Variants in BEST3 observed in about 807,000 individuals in gnomAD.
The protein encoded by BEST3 is bestrophin 3, also known as bestrophin-3.
A neutral mutation model predicts 47.1 loss-of-function variants in BEST3; 50 were observed. The observed-to-expected ratio is 1.06, with a 90% CI of 0.85 to 1.34. BEST3 has a LOEUF of 1.34. BEST3 is among the 40% of genes most tolerant of loss of function. The pLI is 0.00. For missense variants in BEST3, 765 were observed against 817.0 expected (o/e 0.94, Z 0.78); for synonymous variants, 282 against 298.8 (o/e 0.94, Z 0.58).
chr12:69,693,824 A>G lies in BEST3; in HGVS notation c.331T>C (p.Ser111Pro). The G allele has an allele frequency of 2.5e-6, 4 of 1,614,158 alleles. No homozygotes were observed. Among genetic ancestry groups the G allele is most frequent in the Non-Finnish European group, 3.4e-6 (4 of 1,180,016 alleles). Residue 111 changes from serine (S) to proline (P), a missense_variant, in exon 4 of 10, where the codon TCT (serine) becomes CCT (proline). Ser to Pro is a moderately conservative substitution (Grantham distance 74). Transcript: ENST00000330891. ...PWPDRLMFLI[S>P]SSVHGSDEHG... ...TCGTCGCTTCCGTGAACACTGCTAG[A>G]GATGAGGAACATTAGCCTGTCTGGC...
rs898612319 is a variant in BEST3 at position 69,654,550 on chromosome 12, C to G, written c.*357G>C. The G allele has an allele frequency of 3.0e-6, 3 of 1,009,024 alleles. No homozygotes were observed. Among genetic ancestry groups the G allele is most frequent in the Non-Finnish European group, 3.6e-6 (3 of 844,886 alleles). The allele number at this position is 1,009,024 out of a possible 1,614,324, so 62.5% of individuals were successfully genotyped here. ...ACCCTGCGTGTCTGGGCCTTTGGGT[C>G]TAGGGGATTGGACTATGATCTATGA... On this transcript the variant is annotated 3_prime_UTR_variant, in exon 10 of 10. Coordinates refer to ENST00000330891, the MANE Select transcript of BEST3 (RefSeq NM_032735.3).
rs1457163283 is a variant in BEST3 at position 69,699,249 on chromosome 12, A to C, written c.-60T>G. ...TCTCCGACAGGAAAGAGAATCTTCAAATTTCGGGCTCCCCCGAAGAGGTGC... is the reference window on the plus strand; with the variant it reads ...TCTCCGACAGGAAAGAGAATCTTCACATTTCGGGCTCCCCCGAAGAGGTGC... On this transcript the variant is annotated 5_prime_UTR_variant, in exon 1 of 10. The change creates a new upstream start codon in the 5' untranslated region. Coordinates refer to ENST00000330891, the MANE Select transcript of BEST3 (RefSeq NM_032735.3). 2.0e-6 allele frequency: 2 copies of C among 985,242 alleles called. No homozygotes were observed. Among genetic ancestry groups the C allele is most frequent in the Admixed American group, 1.2e-4 (2 of 16,264 alleles). 61.0% of individuals were successfully genotyped at this position (985,242 alleles called of 1,614,324 possible).
At chr12:69,676,326 G>A (rs920222199) in intron 7 of BEST3, among the ~76,000 whole-genome samples, 3 of 151,960 alleles carry the variant, frequency 2.0e-5, no homozygotes, top group African/African-American at 7.3e-5. Flanking sequence ...TAGGAGAATT[G>A]CTTCAACCTG....
chr12:69,671,629 A>G, intron 8 of BEST3, 50 bp from the exon 9 acceptor site: 2 of 1,586,532 alleles, frequency 1.3e-6, no homozygotes, highest in Non-Finnish European at 1.7e-6. Flanking sequence ...AATTAAATAA[A>G]AAGGAGAAGT....
rs1234597007 is a variant in BEST3, at chr12:69,671,487, G to GT, written c.1040dup (p.Tyr347Ter). Residue 347 changes from tyrosine to a stop codon, truncating the protein, a stop_gained and frameshift_variant, in exon 9 of 10, where the codon TAC becomes TAAC. Coordinates refer to ENST00000330891, the MANE Select transcript of BEST3 (RefSeq NM_032735.3). LOFTEE classifies it high-confidence loss of function. ...YWDDSAARPP[Y>*]TLAAADYCIP... ...TGCAGTAGTCAGCAGCTGCCAATGTGTATGGTGGGCGAGCAGCAGAATCGT... is the reference window on the plus strand; with the variant it reads ...TGCAGTAGTCAGCAGCTGCCAATGTGTTATGGTGGGCGAGCAGCAGAATCGT... The GT allele has an allele frequency of 6.2e-7, 1 of 1,614,104 alleles. No individual in the cohort carries two copies. The highest frequency in any genetic ancestry group is 1.1e-5 in the South Asian group (1 of 91,086).
At position 69,664,824 on chromosome 12, in the gene BEST3, G is replaced by T. The variant is rs537602265; in HGVS notation, c.1100+6604C>A. ...AATCCCATTCCACAGACTTAGTAAA[G>T]GTAGGCTACAAATTTGATTGTCAGC... On this transcript the variant is annotated intron_variant, in intron 9 of 9. Transcript: ENST00000330891. Among the ~76,000 whole-genome samples, 13 of 151,976 alleles carry T rather than the reference G, an allele frequency of 8.6e-5. No individual in the cohort carries two copies. In the South Asian group the frequency reaches 2.7e-3, roughly 32 times the overall value.
rs1445294761 is a variant in BEST3 at position 69,654,709 on chromosome 12, A to G, written c.*198T>C. 7.5e-7 allele frequency: 1 copy of G among 1,335,026 alleles called. No homozygotes were observed. The highest frequency in any genetic ancestry group is 9.6e-7 in the Non-Finnish European group (1 of 1,044,480). The allele number at this position is 1,335,026 out of a possible 1,614,324, so 82.7% of individuals were successfully genotyped here. ...TCTGATGAAAGCCATGTTGTGTTGG[A>G]TGACGTGAATGCGTTTGATTTTTCG... On this transcript the variant is annotated 3_prime_UTR_variant, in exon 10 of 10. Transcript: ENST00000330891.
At chr12:69,658,627 C>T (rs891800067) in intron 9 of BEST3, among the ~76,000 whole-genome samples, 9 of 152,130 alleles carry the variant, frequency 5.9e-5, no homozygotes, top group Non-Finnish European at 1.3e-4. Context: ...AGAGAGAAGA[C>T]ATATAAATAA....
intron 4 of BEST3, among the ~76,000 whole-genome samples, chr12:69,686,780 A>AAAAAAAAAAAAAAACC (rs1309413733): frequency 1.5e-4 from 8 of 52,726 alleles, no homozygotes; most frequent in Non-Finnish European, 3.0e-4. Flanking sequence ...TCAAAAAAAC[A>AAAAAAAAAAAAAAACC]AAAAAAAAAG....
At chr12:69,643,896 A>G in intron 9 of BEST3, 1 of 518,426 alleles carries the variant, frequency 1.9e-6, no homozygotes, top group Non-Finnish European at 3.5e-6. Context: ...GCCACCACAC[A>G]TTTAATGTAA....
rs1473688236 is a variant in BEST3, at chr12:69,653,811, T to C, written c.*1096A>G. 1 of 985,486 alleles carries C rather than the reference T, an allele frequency of 1.0e-6. No individual in the cohort carries two copies. Among genetic ancestry groups the C allele is most frequent in the Non-Finnish European group, 1.2e-6 (1 of 829,960 alleles). 61.0% of individuals were successfully genotyped at this position (985,486 alleles called of 1,614,324 possible). ...GACCCCATTAGCCTCCCAGCTCCAGTATCCTGCCCATTCCCAAATGACCCG... is the reference window on the plus strand; with the variant it reads ...GACCCCATTAGCCTCCCAGCTCCAGCATCCTGCCCATTCCCAAATGACCCG... On this transcript the variant is annotated 3_prime_UTR_variant, in exon 10 of 10. Coordinates refer to ENST00000330891, the MANE Select transcript of BEST3 (RefSeq NM_032735.3).
At chr12:69,663,777 C>T (rs561921454) in intron 9 of BEST3, among the ~76,000 whole-genome samples, 25 of 152,282 alleles carry the variant, frequency 1.6e-4, no homozygotes, top group Non-Finnish European at 2.2e-4. Flanking sequence ...GCTGTGATTG[C>T]ACCACTGTAC....
downstream of BEST3, among the ~76,000 whole-genome samples, chr12:69,649,245 G>C (rs912210632): frequency 6.6e-6 from 1 of 152,174 alleles, no homozygotes; most frequent in Admixed American, 6.5e-5. Flanking sequence ...CGACCTGCCC[G>C]CCTTGGCCTC....
intron 7 of BEST3, among the ~76,000 whole-genome samples, chr12:69,674,452 A>C (rs747436195): frequency 1.3e-5 from 2 of 152,208 alleles, no homozygotes; most frequent in Middle Eastern, 6.8e-3. Flanking sequence ...TCTTATTTTA[A>C]GTGCCTTTCC....
chr12:69,691,088 A>G (rs1885906457), intron 4 of BEST3, among the ~76,000 whole-genome samples: 1 of 152,182 alleles, frequency 6.6e-6, no homozygotes, highest in Non-Finnish European at 1.5e-5. Context: ...ATCAAAGTAG[A>G]TAAAAAAGAC....
rs1249002004 is a variant in BEST3, at chr12:69,655,050, CTG to C, written c.1862_1863del (p.Thr621ArgfsTer20). On this transcript the variant is annotated frameshift_variant, in exon 10 of 10. Transcript: ENST00000330891. LOFTEE classifies it low-confidence loss of function (END_TRUNC). ...MSSQPALLID[T>X]ETSSEISGIN... is the part of the protein sequence containing the mutation. ...ATCCCACTGATCTCTGAGGATGTTT[CTG>C]TGTCAATTAAAAGAGCTGGCTGAGA... is the stretch of plus-strand genomic sequence containing the variant. 1.2e-6 allele frequency: 2 copies of C among 1,614,154 alleles called. No homozygotes were observed. The highest frequency in any genetic ancestry group is 8.5e-7 in the Non-Finnish European group (1 of 1,180,026).
chr12:69,675,885 C>T (rs1423973530), intron 7 of BEST3, among the ~76,000 whole-genome samples: 1 of 152,166 alleles, frequency 6.6e-6, no homozygotes, highest in African/African-American at 2.4e-5. Flanking sequence ...CCCAGTGGGT[C>T]ACGACAAGGT....
chr12:69,649,323 A>G (rs1464189368), downstream of BEST3, among the ~76,000 whole-genome samples: 1 of 152,244 alleles, frequency 6.6e-6, no homozygotes, highest in African/African-American at 2.4e-5. Flanking sequence ...TATAAAGTAT[A>G]ATCTAAGGAA....
At chr12:69,695,190 G>A (rs140369980) in intron 2 of BEST3, among the ~76,000 whole-genome samples, 2 of 152,264 alleles carry the variant, frequency 1.3e-5, no homozygotes, top group East Asian at 3.9e-4. Flanking sequence ...CTGGAGAAAT[G>A]TTTTAAGGCA....
Sources: gnomAD v4.1 joint callset for allele counts (sites outside exome capture counted in the v4.1 genomes callset) on GRCh38, gnomAD v4.1.1 for gene constraint, MANE v1.5 for transcripts, NCBI Gene and HGNC (gene_info 2026-07-23, HGNC 2026-07-21) for gene names.